Variants in VAC14 observed in about 807,000 individuals in gnomAD.
VAC14 encodes VAC14 component of PIKFYVE complex.
A neutral mutation model predicts 85.3 loss-of-function variants in VAC14; 47 were observed. The ratio of observed to expected loss-of-function variants is 0.55; its 90% CI spans 0.44 to 0.70. The LOEUF (loss-of-function observed/expected upper bound fraction) is 0.70, where lower values mean the gene tolerates loss of function less well. VAC14 is among the 30% of genes least tolerant of loss of function. The pLI, the probability that VAC14 is intolerant of heterozygous loss-of-function variation, is 0.00. For synonymous variants in VAC14, 447 were observed against 430.5 expected (o/e 1.04, Z -0.47); for missense variants, 861 against 1,004.3 (o/e 0.86, Z 1.93).
At chr16:70,781,654 CAAGT>C (rs1385245654) in intron 8 of VAC14, among the ~76,000 whole-genome samples, 1 of 152,124 alleles carries the variant, frequency 6.6e-6, no homozygotes, top group Non-Finnish European at 1.5e-5. Flanking sequence ...TCCAGATCTG[CAAGT>C]AACCAGGCAA....
At chr16:70,708,979 C>G (rs2053975537) in intron 14 of VAC14, among the ~76,000 whole-genome samples, 1 of 152,212 alleles carries the variant, frequency 6.6e-6, no homozygotes. Context: ...CCATGATAAT[C>G]AACTCCAAGA....
intron 15 of VAC14, among the ~76,000 whole-genome samples, chr16:70,697,639 G>A (rs1348715734): frequency 1.3e-5 from 2 of 152,194 alleles, no homozygotes; most frequent in African/African-American, 4.8e-5. Context: ...GGCAGGGAAG[G>A]GAGGAAGCAC....
At chr16:70,709,535 T>C (rs1484201340) in intron 14 of VAC14, among the ~76,000 whole-genome samples, 1 of 152,148 alleles carries the variant, frequency 6.6e-6, no homozygotes, top group Non-Finnish European at 1.5e-5. Context: ...GGTGTTGGCC[T>C]GTGATCCACA....
chr16:70,761,243 C>T (rs1318144773), intron 12 of VAC14: 8 of 454,276 alleles, frequency 1.8e-5, no homozygotes, highest in African/African-American at 1.4e-4. Context: ...TGAGGAGCCT[C>T]ACTCCATGGG....
chr16:70,786,338 G>T lies in VAC14; in HGVS notation c.132C>A (p.Asn44Lys). The T allele has an allele frequency of 6.2e-7, 1 of 1,614,164 alleles. No homozygotes were observed. The highest frequency in any genetic ancestry group is 8.5e-7 in the Non-Finnish European group (1 of 1,179,988). The change falls in exon 2 of 19, where the codon AAC becomes AAA. Residue 44 changes from asparagine to lysine, a missense_variant. Coordinates refer to ENST00000261776, the MANE Select transcript of VAC14 (RefSeq NM_018052.5). ...EKLVREFVAQNNTVQIKHVIQ... is the reference protein window; with the variant it reads ...EKLVREFVAQKNTVQIKHVIQ... ...TCACATGCTTGATTTGCACGGTATT[G>T]TTCTGGGCCACGAACTCCCGGACCA...
chr16:70,758,558 C>T (rs529682331), intron 12 of VAC14, among the ~76,000 whole-genome samples: 3 of 152,316 alleles, frequency 2.0e-5, no homozygotes, highest in South Asian at 2.1e-4. Flanking sequence ...GTCCCACCAT[C>T]GGGACCATGG....
chr16:70,768,857 G>T, intron 10 of VAC14: 1 of 452,952 alleles, frequency 2.2e-6, no homozygotes. Flanking sequence ...CTAGAGTGCA[G>T]TGGCGCGATC....
chr16:70,741,508 G>A (rs946281658), intron 13 of VAC14, among the ~76,000 whole-genome samples: 6 of 152,154 alleles, frequency 3.9e-5, no homozygotes, highest in Non-Finnish European at 8.8e-5. Flanking sequence ...GTGGACACGC[G>A]CATGTGCACA....
intron 14 of VAC14, among the ~76,000 whole-genome samples, chr16:70,722,401 G>A (rs1346433570): frequency 6.6e-6 from 1 of 152,258 alleles, no homozygotes; most frequent in Non-Finnish European, 1.5e-5. Flanking sequence ...CATGGAAGAG[G>A]TGCCTGGTCT....
chr16:70,745,518 T>TGTGCGCGTGTGC (rs374204849), intron 12 of VAC14, among the ~76,000 whole-genome samples: 2 of 141,020 alleles, frequency 1.4e-5, no homozygotes, highest in Admixed American at 6.8e-5. Flanking sequence ...TGTGTGTGTG[T>TGTGCGCGTGTGC]GCGCGTGTGC....
chr16:70,694,715 G>A (rs1051541129), intron 17 of VAC14, among the ~76,000 whole-genome samples: 12 of 152,246 alleles, frequency 7.9e-5, no homozygotes, highest in African/African-American at 2.2e-4. Flanking sequence ...TTCAAAGTGT[G>A]TATGTTGAGG....
chr16:70,774,832 G>A (rs904333815), intron 9 of VAC14, among the ~76,000 whole-genome samples: 4 of 136,974 alleles, frequency 2.9e-5, no homozygotes, highest in South Asian at 4.8e-4. Context: ...TGTAACCTCC[G>A]CCTCCCGGGT....
At chr16:70,794,939 A>C (rs1241120355) in intron 1 of VAC14, among the ~76,000 whole-genome samples, 1 of 152,228 alleles carries the variant, frequency 6.6e-6, no homozygotes, top group East Asian at 1.9e-4. Flanking sequence ...TAAGATGATA[A>C]TGTTATATTT....
Position 70,748,273 on chromosome 16 carries a change from T to C in VAC14, c.1372-3694A>G, listed in dbSNP as rs544455418. ...CTGCTGAGCAGCTGCTGTGGGCTAG[T>C]CCTGTGCTGGGTATAAGAGACACAA... On this transcript the variant is annotated intron_variant, in intron 12 of 18. Coordinates refer to ENST00000261776, the MANE Select transcript of VAC14 (RefSeq NM_018052.5). Among the ~76,000 whole-genome samples, 3 of 152,322 alleles carry C rather than the reference T, an allele frequency of 2.0e-5. No homozygotes were observed. In the East Asian group the frequency reaches 5.8e-4, roughly 29 times the overall value.
intron 14 of VAC14, among the ~76,000 whole-genome samples, chr16:70,703,492 G>C (rs1320483812): frequency 6.6e-6 from 1 of 152,188 alleles, no homozygotes; most frequent in Non-Finnish European, 1.5e-5. Flanking sequence ...CAGGCAGGGG[G>C]GATGTGGCCA....
At chr16:70,704,893 T>C (rs905513890) in intron 14 of VAC14, among the ~76,000 whole-genome samples, 14 of 152,304 alleles carry the variant, frequency 9.2e-5, no homozygotes, top group African/African-American at 3.4e-4. Context: ...CTAGGGAAGC[T>C]GGACTCTGCC....
chr16:70,770,686 G>A (rs2033155686), intron 10 of VAC14: 1 of 152,208 alleles, frequency 6.6e-6, no homozygotes, highest in Admixed American at 6.5e-5. Flanking sequence ...CTCACCACTG[G>A]AGTAAATGAA....
In VAC14 at chr16:70,709,706, T is replaced by G. The variant is rs148492435; in HGVS notation, c.1662-10895A>C. Among the ~76,000 whole-genome samples, 865 of 152,326 alleles carry G rather than the reference T, an allele frequency of 5.7e-3. 4 individuals carry two copies. The highest frequency in any genetic ancestry group is 9.9e-3 in the Non-Finnish European group (673 of 68,018). On this transcript the variant is annotated intron_variant, in intron 14 of 18. Transcript: ENST00000261776. ...CAACAGCAGGTTCCCGGAAACCAGT[T>G]GGGAGCAGCAGCTCCTGAGTATGGG...
chr16:70,772,384 T>A (rs1209664980), intron 9 of VAC14: 5 of 547,270 alleles, frequency 9.1e-6, no homozygotes, highest in African/African-American at 3.8e-5. Flanking sequence ...GTCACAGTGA[T>A]CTCACAAGGA....
Sources: allele counts gnomAD v4.1 joint callset (sites outside exome capture counted in the v4.1 genomes callset), GRCh38; gene constraint gnomAD v4.1.1; transcripts MANE v1.5; gene names NCBI Gene and HGNC (gene_info 2026-07-23, HGNC 2026-07-21).